Variants in RAD54L2 observed in about 807,000 individuals in gnomAD.
RAD54L2 encodes the protein helicase ARIP4.
Under a neutral mutation model 138.4 loss-of-function variants are expected in RAD54L2, and 27 were observed. That is an observed-to-expected ratio of 0.20 (90% CI 0.14 to 0.27). RAD54L2 has a LOEUF of 0.27. RAD54L2 is among the 10% of genes least tolerant of loss of function. The probability of loss-of-function intolerance (pLI) is 1.00; values close to 1 mark genes in which losing one functional copy is unlikely to be tolerated. For synonymous variants in RAD54L2, 644 were observed against 723.2 expected, an observed-to-expected ratio of 0.89 and a Z score of 1.76; for missense variants, 1,396 against 1,890.2, an observed-to-expected ratio of 0.74 and a Z score of 4.85.
rs533787903 is a variant in RAD54L2 at position 51,638,982 on chromosome 3, C to T, written c.1861-437C>T. On this transcript the variant is annotated intron_variant, in intron 12 of 22. Coordinates refer to ENST00000684192, the MANE Select transcript of RAD54L2 (RefSeq NM_015106.4). This position sits in a 1 kb window ranked among gnomAD's most constrained non-coding sequence, Gnocchi z 4.3. ...CTTCCTTCTTCCTTTCCTCTCTTCT[C>T]CTGGGAGTTCTCAACTCTTGCTAGG... 48 of 172,648 alleles carry T rather than the reference C, an allele frequency of 2.8e-4. No individual in the cohort carries two copies. Among genetic ancestry groups the T allele is most frequent in the Admixed American group, 1.6e-3 (28 of 17,848 alleles). 10.7% of individuals were successfully genotyped at this position (172,648 alleles called of 1,614,324 possible). A position where few individuals can be genotyped will look rare whatever the true frequency, so the allele number is the denominator to read the frequency against.
At chr3:51,552,888 T>G (rs1698873581) in intron 2 of RAD54L2, among the ~76,000 whole-genome samples, 1 of 152,148 alleles carries the variant, frequency 6.6e-6, no homozygotes, top group Non-Finnish European at 1.5e-5. Context: ...TCTTTGTCAA[T>G]TTGAAGCCTA....
At chr3:51,656,218 T>A in intron 20 of RAD54L2, 48 bp downstream of exon 20, 2 of 1,478,088 alleles carry the variant, frequency 1.4e-6, no homozygotes, top group Non-Finnish European at 1.8e-6. Flanking sequence ...CTTTTAAAAT[T>A]ACTTTGTTCA....
At chr3:51,631,020 G>A (rs1380407216) in intron 7 of RAD54L2, 89 bp downstream of exon 7, 2 of 1,300,286 alleles carry the variant, frequency 1.5e-6, no homozygotes, top group African/African-American at 2.9e-5. Flanking sequence ...GTCACAGCCT[G>A]TGAAGTACTT....
chr3:51,555,301 G>A (rs1399380083), intron 2 of RAD54L2, among the ~76,000 whole-genome samples: 1 of 150,746 alleles, frequency 6.6e-6, no homozygotes, highest in Non-Finnish European at 1.5e-5. Flanking sequence ...CTGAGATGAT[G>A]TTATATGTTT....
chr3:51,557,287 A>G (rs1382327009), intron 2 of RAD54L2, among the ~76,000 whole-genome samples: 1 of 143,688 alleles, frequency 7.0e-6, no homozygotes, highest in Non-Finnish European at 1.5e-5. Flanking sequence ...AGCTCAAAGT[A>G]TTCTCCAACC....
chr3:51,620,709 T>G (rs1008254252), intron 3 of RAD54L2, among the ~76,000 whole-genome samples: 2 of 152,198 alleles, frequency 1.3e-5, no homozygotes, highest in Non-Finnish European at 2.9e-5. Flanking sequence ...ATATAACTCT[T>G]GTGGTTACTG....
At chr3:51,598,633 G>A (rs1034444574) in intron 3 of RAD54L2, among the ~76,000 whole-genome samples, 3 of 152,214 alleles carry the variant, frequency 2.0e-5, no homozygotes, top group Non-Finnish European at 2.9e-5. Flanking sequence ...GTGCACGCCT[G>A]TAATCCCAGC....
In RAD54L2 at chr3:51,638,004, T is replaced by A; in HGVS notation, c.1683-140T>A. 1 of 764,832 alleles carries A rather than the reference T, an allele frequency of 1.3e-6. No individual in the cohort carries two copies. The highest frequency in any genetic ancestry group is 2.1e-6 in the Non-Finnish European group (1 of 478,204). The allele number at this position is 764,832 out of a possible 1,614,324, so 47.4% of individuals were successfully genotyped here. On this transcript the variant is annotated intron_variant, in intron 11 of 22. Transcript: ENST00000684192. The surrounding 1 kb of genome is among the most constrained non-coding windows in gnomAD (Gnocchi z 4.3). Reference sequence around the variant, plus strand: ...TTTCTTCTTGGTTGTTGAACCACTCTGCATTATTGCAAGGCTGCAGTGCAT... The same window carrying A: ...TTTCTTCTTGGTTGTTGAACCACTCAGCATTATTGCAAGGCTGCAGTGCAT...
chr3:51,639,921 A>G lies in RAD54L2; in HGVS notation c.2153A>G (p.Glu718Gly), dbSNP rs1242940031. ...ACTAATTACCAGACTGGAGTCCTAGAAAACTCTCCCAAGATGGTACTGCTT... is the reference window on the plus strand; with the variant it reads ...ACTAATTACCAGACTGGAGTCCTAGGAAACTCTCCCAAGATGGTACTGCTT... The part of the protein sequence containing the change: ...LLTNYQTGVL[E>G]NSPKMVLLFH... The change falls in exon 14 of 23, where the codon GAA (glutamate) becomes GGA (glycine). Residue 718 changes from glutamate to glycine, a missense_variant. By Grantham distance (98) the Glu-to-Gly change is moderately conservative. Coordinates refer to ENST00000684192, the MANE Select transcript of RAD54L2 (RefSeq NM_015106.4). 1.2e-6 allele frequency: 2 copies of G among 1,612,284 alleles called. No homozygotes were observed. Among genetic ancestry groups the G allele is most frequent in the South Asian group, 1.1e-5 (1 of 90,682 alleles).
chr3:51,626,969 T>C (rs1430134726), intron 3 of RAD54L2, among the ~76,000 whole-genome samples: 1 of 152,148 alleles, frequency 6.6e-6, no homozygotes, highest in African/African-American at 2.4e-5. Flanking sequence ...ACATGCCCTG[T>C]CTCCCTAAGC....
intron 2 of RAD54L2, among the ~76,000 whole-genome samples, chr3:51,589,577 A>G (rs937367231): frequency 6.6e-6 from 1 of 151,902 alleles, no homozygotes; most frequent in Non-Finnish European, 1.5e-5. Context: ...GCCTGGGAAA[A>G]ATTTAAAATT....
chr3:51,600,705 G>T (rs558587753), intron 3 of RAD54L2, among the ~76,000 whole-genome samples: 88 of 152,118 alleles, frequency 5.8e-4, no homozygotes, highest in Middle Eastern at 3.2e-3. Context: ...GGTGGCTCAC[G>T]CCTGTAATCT....
chr3:51,589,717 CAT>C (rs1699800417), intron 2 of RAD54L2, among the ~76,000 whole-genome samples: 2 of 151,622 alleles, frequency 1.3e-5, no homozygotes, highest in Non-Finnish European at 1.5e-5. Flanking sequence ...CATACACACA[CAT>C]ATATGTATAT....
chr3:51,540,470 CTG>C (rs1385606000), intron 1 of RAD54L2, among the ~76,000 whole-genome samples: 1 of 152,232 alleles, frequency 6.6e-6, no homozygotes, highest in Non-Finnish European at 1.5e-5. Flanking sequence ...AACTCCAACT[CTG>C]AGGCCTGCAG....
intron 2 of RAD54L2, among the ~76,000 whole-genome samples, chr3:51,567,090 CTCTTA>C (rs1699235486): frequency 6.6e-6 from 1 of 152,120 alleles, no homozygotes; most frequent in Non-Finnish European, 1.5e-5. Flanking sequence ...AAGGCATTAT[CTCTTA>C]TCTTTTTATT....
intron 3 of RAD54L2, among the ~76,000 whole-genome samples, chr3:51,626,798 C>T (rs1004976012): frequency 1.3e-5 from 2 of 152,060 alleles, no homozygotes; most frequent in African/African-American, 2.4e-5. Context: ...CTTTCAAGGC[C>T]TGACTCACAT....
rs112295468 is a variant in RAD54L2, at chr3:51,540,368, T to C, written c.-116-1221T>C. 5.1e-3 allele frequency among the ~76,000 whole-genome samples: 776 copies of C among 152,364 alleles called. 5 individuals carry two copies. The highest frequency in any genetic ancestry group is 0.017 in the African/African-American group (723 of 41,580). ...CATCCTTGTTTACTCTCACAGGACATTGTCTTCACTAGAAGTATTATCCAT... is the reference window on the plus strand; with the variant it reads ...CATCCTTGTTTACTCTCACAGGACACTGTCTTCACTAGAAGTATTATCCAT... On this transcript the variant is annotated intron_variant, in intron 1 of 22. Transcript: ENST00000684192.
chr3:51,539,932 A>G (rs1468049046), intron 1 of RAD54L2, among the ~76,000 whole-genome samples: 2 of 152,214 alleles, frequency 1.3e-5, no homozygotes, highest in East Asian at 3.8e-4. Context: ...ACTCCAAGTC[A>G]GAGTGGTGAC....
At chr3:51,653,675 A>G (rs867496341) in intron 19 of RAD54L2, among the ~76,000 whole-genome samples, 10 of 152,284 alleles carry the variant, frequency 6.6e-5, no homozygotes, top group South Asian at 2.1e-4. Flanking sequence ...GCAAACTATC[A>G]CAAGGACAGA....
Sources: allele counts gnomAD v4.1 joint callset (sites outside exome capture counted in the v4.1 genomes callset), GRCh38; gene constraint gnomAD v4.1.1; non-coding constraint Gnocchi (gnomAD v3.1); transcripts MANE v1.5; gene names NCBI Gene and HGNC (gene_info 2026-07-23, HGNC 2026-07-21).